The following NTM variants were observed in gnomAD, a reference collection of about 807,000 sequenced individuals.
NTM encodes IgLON family member 2.
Under a neutral mutation model 42.1 loss-of-function variants are expected in NTM, and 13 were observed. The ratio of observed to expected loss-of-function variants is 0.31; its 90% CI spans 0.20 to 0.49. The LOEUF (loss-of-function observed/expected upper bound fraction) is 0.49, where lower values mean the gene tolerates loss of function less well. NTM is among the 20% of genes least tolerant of loss of function. The pLI is 0.99. For missense variants in NTM, 373 were observed against 452.8 expected (o/e 0.82, Z 1.60); for synonymous variants, 187 against 179.2 (o/e 1.04, Z -0.35).
intron 2 of NTM, among the ~76,000 whole-genome samples, chr11:132,126,196 A>G (rs1055893207): frequency 2.6e-5 from 4 of 152,106 alleles, no homozygotes; most frequent in African/African-American, 9.7e-5. Context: ...GAAAAGTCTG[A>G]TGGATTGAAA....
At chr11:132,319,963 T>G (rs2095522746) in intron 7 of NTM, among the ~76,000 whole-genome samples, 1 of 152,204 alleles carries the variant, frequency 6.6e-6, no homozygotes, top group South Asian at 2.1e-4. Context: ...TTCACCAATA[T>G]CCCCTGTTCT....
intron 2 of NTM, among the ~76,000 whole-genome samples, chr11:131,932,468 T>G (rs909022715): frequency 6.6e-6 from 1 of 152,186 alleles, no homozygotes; most frequent in Non-Finnish European, 1.5e-5. Flanking sequence ...GGAAAAGAGA[T>G]TGTACATGCT....
rs2090053151 is a variant in NTM at position 131,789,484 on chromosome 11, GAAGAAGAGGAAA to G, written c.83-122079_83-122068del. On this transcript the variant is annotated intron_variant, in intron 1 of 8. Transcript: ENST00000683400. Reference sequence around the variant, plus strand: ...AGAAGAAGAAGAAGAAGAAGAAGAAGAAGAAGAGGAAAGAAGAAGAAGAAGAAGAAGAAGAAG... The same window carrying G: ...AGAAGAAGAAGAAGAAGAAGAAGAAGGAAGAAGAAGAAGAAGAAGAAGAAG... Among the ~76,000 whole-genome samples the G allele has an allele frequency of 3.1e-3, 28 of 9,066 alleles. 1 individual carries two copies. The highest frequency in any genetic ancestry group is 7.9e-3 in the East Asian group (3 of 380). 5.9% of individuals were successfully genotyped at this position (9,066 alleles called of 152,430 possible).
chr11:132,073,930 T>C (rs2058033323), intron 2 of NTM, among the ~76,000 whole-genome samples: 1 of 152,188 alleles, frequency 6.6e-6, no homozygotes, highest in African/African-American at 2.4e-5. Flanking sequence ...CAGAGGACAC[T>C]GTAGGTCTGC....
At chr11:132,184,705 A>T (rs902513056) in intron 3 of NTM, among the ~76,000 whole-genome samples, 3 of 152,324 alleles carry the variant, frequency 2.0e-5, no homozygotes, top group East Asian at 3.9e-4. Flanking sequence ...TTTCTTTTAA[A>T]TGTAAATTTA....
chr11:131,447,894 C>T (rs1185811645), intron 1 of NTM, among the ~76,000 whole-genome samples: 1 of 152,188 alleles, frequency 6.6e-6, no homozygotes, highest in Non-Finnish European at 1.5e-5. Context: ...CAGGTCTGGC[C>T]TAGTTCTGCA....
At chr11:131,820,903 G>A (rs2093159252) in intron 1 of NTM, among the ~76,000 whole-genome samples, 1 of 152,052 alleles carries the variant, frequency 6.6e-6, no homozygotes, top group Admixed American at 6.5e-5. Context: ...CGGCCACTAT[G>A]AGTATTTGGA....
intron 1 of NTM, among the ~76,000 whole-genome samples, chr11:131,851,829 A>T (rs951727565): frequency 1.3e-5 from 2 of 152,190 alleles, no homozygotes; most frequent in African/African-American, 4.8e-5. Flanking sequence ...CTTTAGTAAA[A>T]TAGGAGGCAG....
At chr11:132,054,532 C>G (rs1463398953) in intron 2 of NTM, among the ~76,000 whole-genome samples, 1 of 152,154 alleles carries the variant, frequency 6.6e-6, no homozygotes, top group Non-Finnish European at 1.5e-5. Context: ...GAGCAAATTC[C>G]CATGTTAGGG....
chr11:132,026,033 G>T (rs1406690572), intron 2 of NTM, among the ~76,000 whole-genome samples: 4 of 152,146 alleles, frequency 2.6e-5, no homozygotes, highest in Non-Finnish European at 5.9e-5. Flanking sequence ...TGTAAAACGG[G>T]AGTAGTAACA....
chr11:131,372,303 G>A lies in NTM; in HGVS notation c.82+1415G>A, dbSNP rs185368388. Among the ~76,000 whole-genome samples, 55 of 152,168 alleles carry A rather than the reference G, an allele frequency of 3.6e-4. 2 individuals carry two copies. The East Asian group carries it at 7.4e-3, about 20-fold the overall frequency. The stretch of plus-strand genomic sequence containing the variant: ...ATCTTGCAGGGATGTCCATGATGTC[G>A]TCTGCTGCACCCAACCCCAGGAGGC... On this transcript the variant is annotated intron_variant, in intron 1 of 8. Transcript: ENST00000683400.
At chr11:131,870,669 A>G (rs2047686367) in intron 1 of NTM, among the ~76,000 whole-genome samples, 3 of 152,196 alleles carry the variant, frequency 2.0e-5, no homozygotes, top group Admixed American at 2.0e-4. Context: ...AAGTGCTGAT[A>G]AAAAGACAAC....
At chr11:131,808,063 T>TG (rs985231085) in intron 1 of NTM, among the ~76,000 whole-genome samples, 1 of 152,234 alleles carries the variant, frequency 6.6e-6, no homozygotes, top group African/African-American at 2.4e-5. Context: ...TTCACAAGCC[T>TG]GGGGCTCTGT....
intron 1 of NTM, among the ~76,000 whole-genome samples, chr11:131,650,861 G>C (rs1222427132): frequency 6.6e-6 from 1 of 152,190 alleles, no homozygotes; most frequent in Non-Finnish European, 1.5e-5. Context: ...TGGTAAATGA[G>C]TCATTGTTTG....
At chr11:132,189,717 GT>G (rs2138226356) in intron 3 of NTM, among the ~76,000 whole-genome samples, 1 of 152,156 alleles carries the variant, frequency 6.6e-6, no homozygotes, top group Non-Finnish European at 1.5e-5. Flanking sequence ...GACAGCAATG[GT>G]TTAATCACTC....
intron 1 of NTM, chr11:131,671,301 C>A: frequency 2.6e-6 from 1 of 382,240 alleles, no homozygotes; most frequent in Non-Finnish European, 3.6e-6. Context: ...CTCCCTGGGG[C>A]GCTATCTGGC....
chr11:131,702,109 C>T (rs2076136186), intron 1 of NTM, among the ~76,000 whole-genome samples: 3 of 152,082 alleles, frequency 2.0e-5, no homozygotes, highest in African/African-American at 4.8e-5. Flanking sequence ...TGTCTTCTTT[C>T]CTCTCTACTC....
At chr11:131,519,989 G>A (rs1054376079) in intron 1 of NTM, among the ~76,000 whole-genome samples, 1 of 151,656 alleles carries the variant, frequency 6.6e-6, no homozygotes, top group African/African-American at 2.4e-5. Context: ...TGTGGAGGTA[G>A]TTATGACCAG....
chr11:132,234,823 C>T (rs1566542306), intron 4 of NTM, among the ~76,000 whole-genome samples: 1 of 152,250 alleles, frequency 6.6e-6, no homozygotes, highest in African/African-American at 2.4e-5. Flanking sequence ...CATTTATATT[C>T]TTCTACATAA....
Sources: allele counts gnomAD v4.1 joint callset (sites outside exome capture counted in the v4.1 genomes callset), GRCh38; gene constraint gnomAD v4.1.1; transcripts MANE v1.5; gene names NCBI Gene and HGNC (gene_info 2026-07-23, HGNC 2026-07-21).